Variants in FER observed in about 807,000 individuals in gnomAD.
FER encodes FER tyrosine kinase, also known as tyrosine-protein kinase Fer.
In FER, 63 loss-of-function variants were observed where a neutral mutation model predicts 111.0. That is an observed-to-expected ratio of 0.57 (90% CI 0.46 to 0.70). FER has a LOEUF of 0.70. Among genes scored for constraint, FER ranks in the 30% least tolerant of loss-of-function variants. The pLI is 0.00. For missense variants in FER, 914 were observed against 954.0 expected (o/e 0.96, Z 0.55); for synonymous variants, 327 against 313.9 (o/e 1.04, Z -0.44).
At chr5:109,023,501 C>G (rs1378485889) in intron 13 of FER, among the ~76,000 whole-genome samples, 2 of 152,058 alleles carry the variant, frequency 1.3e-5, no homozygotes, top group Non-Finnish European at 2.9e-5. Context: ...CTTCTTATGT[C>G]TCAGAGCCTT....
intron 5 of FER, among the ~76,000 whole-genome samples, chr5:108,839,051 C>G (rs1376943034): frequency 6.6e-6 from 1 of 151,924 alleles, no homozygotes; most frequent in South Asian, 2.1e-4. Context: ...TACAAATACC[C>G]TTTGATACAA....
At chr5:108,749,402 T>G in intron 1 of FER, among the ~76,000 whole-genome samples, 1 of 150,978 alleles carries the variant, frequency 6.6e-6, no homozygotes, top group Non-Finnish European at 1.5e-5. Context: ...CTGATGGGCG[T>G]GAGGCGGGGT....
Position 108,970,040 on chromosome 5 carries a change from CTA to C in FER, c.1656+10695_1656+10696del, listed in dbSNP as rs1333939446. ...ACACTATAGAGCAATGTTTTAAAAA[CTA>C]TTTTTCCCATAATTTATATGAAGAA... On this transcript the variant is annotated intron_variant, in intron 13 of 19. Coordinates refer to ENST00000281092, the MANE Select transcript of FER (RefSeq NM_005246.4). Among the ~76,000 whole-genome samples the C allele has an allele frequency of 1.4e-5, 2 of 147,848 alleles. 1 individual carries two copies. The highest frequency in any genetic ancestry group is 5.4e-5 in the African/African-American group (2 of 37,338).
At chr5:108,777,415 C>A (rs911843912) in intron 2 of FER, among the ~76,000 whole-genome samples, 1 of 152,096 alleles carries the variant, frequency 6.6e-6, no homozygotes, top group Admixed American at 6.6e-5. Flanking sequence ...AATTGATGAA[C>A]CTACACTGAT....
chr5:109,016,382 A>T (rs1319312432), intron 13 of FER, among the ~76,000 whole-genome samples: 2 of 152,040 alleles, frequency 1.3e-5, no homozygotes, highest in East Asian at 3.9e-4. Flanking sequence ...TTCACTGTGT[A>T]TCAGCCACTC....
intron 4 of FER, among the ~76,000 whole-genome samples, chr5:108,835,480 G>A (rs927887208): frequency 6.6e-6 from 1 of 152,060 alleles, no homozygotes; most frequent in Admixed American, 6.5e-5. Flanking sequence ...ACCGTGCCTG[G>A]CCTGATTTGC....
chr5:108,999,629 A>T (rs1764453927), intron 13 of FER, among the ~76,000 whole-genome samples: 1 of 152,022 alleles, frequency 6.6e-6, no homozygotes, highest in Admixed American at 6.6e-5. Flanking sequence ...GGTGCTTCCC[A>T]ATATGTTTGT....
intron 11 of FER, 108 bp downstream of exon 11, chr5:108,946,330 A>C: frequency 1.5e-6 from 1 of 648,152 alleles, no homozygotes; most frequent in Non-Finnish European, 2.5e-6. Context: ...ATATATGTAT[A>C]TACATATATA....
intron 13 of FER, among the ~76,000 whole-genome samples, chr5:109,019,357 A>G (rs1341260092): frequency 6.6e-6 from 1 of 151,878 alleles, no homozygotes; most frequent in Admixed American, 6.6e-5. Context: ...CATTTTATAT[A>G]ATAGATAGGT....
chr5:109,073,468 T>C (rs1775990203), intron 16 of FER, among the ~76,000 whole-genome samples: 2 of 152,254 alleles, frequency 1.3e-5, no homozygotes, highest in African/African-American at 4.8e-5. Context: ...GAATCATTTA[T>C]ACCGTAATTG....
chr5:109,184,109 T>C (rs377157996), intron 18 of FER, among the ~76,000 whole-genome samples: 20 of 152,358 alleles, frequency 1.3e-4, no homozygotes, highest in Admixed American at 2.0e-4. Flanking sequence ...GAAAATAGAA[T>C]ACTGATCTCC....
chr5:109,185,857 C>G (rs1758799386), intron 18 of FER, among the ~76,000 whole-genome samples: 1 of 152,202 alleles, frequency 6.6e-6, no homozygotes, highest in South Asian at 2.1e-4. Flanking sequence ...ATTCCATGAT[C>G]ATAGGGTATA....
At chr5:108,856,302 G>A (rs1763001617) in intron 5 of FER, among the ~76,000 whole-genome samples, 2 of 152,064 alleles carry the variant, frequency 1.3e-5, no homozygotes, top group African/African-American at 4.8e-5. Context: ...AAATCATAAG[G>A]TACAAACCAT....
intron 13 of FER, among the ~76,000 whole-genome samples, chr5:109,027,613 A>G (rs1581708030): frequency 6.6e-6 from 1 of 152,266 alleles, no homozygotes; most frequent in East Asian, 1.9e-4. Context: ...TAAAGGGATA[A>G]CTTTAGGAAG....
At chr5:108,990,452 A>G (rs1202887592) in intron 13 of FER, among the ~76,000 whole-genome samples, 1 of 151,854 alleles carries the variant, frequency 6.6e-6, no homozygotes, top group Non-Finnish European at 1.5e-5. Context: ...TGGTGTATGC[A>G]TGTGTATGTA....
At chr5:108,819,991 C>G in intron 3 of FER, 1 of 984,690 alleles carries the variant, frequency 1.0e-6, no homozygotes, top group East Asian at 1.1e-4. Flanking sequence ...TAATCTGGAA[C>G]TACAGGAAAT....
At chr5:108,932,283 G>T (rs1754797481) in intron 10 of FER, among the ~76,000 whole-genome samples, 1 of 152,074 alleles carries the variant, frequency 6.6e-6, no homozygotes, top group African/African-American at 2.4e-5. Flanking sequence ...TTGGTTTTCT[G>T]TTCCTGTGTT....
At chr5:109,130,042 A>G (rs533812492) in intron 17 of FER, among the ~76,000 whole-genome samples, 9 of 146,750 alleles carry the variant, frequency 6.1e-5, no homozygotes, top group Non-Finnish European at 1.2e-4. Context: ...AGGACAATGT[A>G]TTAATACTTG....
chr5:108,812,340 C>G (rs563316728), intron 3 of FER, among the ~76,000 whole-genome samples: 68 of 152,242 alleles, frequency 4.5e-4, no homozygotes, highest in African/African-American at 1.6e-3. Context: ...TAACTTAACT[C>G]TGGTAACATT....
Sources: allele counts gnomAD v4.1 joint callset (sites outside exome capture counted in the v4.1 genomes callset), GRCh38; gene constraint gnomAD v4.1.1; transcripts MANE v1.5; gene names NCBI Gene and HGNC (gene_info 2026-07-23, HGNC 2026-07-21).